Variants in AKAIN1 observed in about 807,000 individuals in gnomAD.
AKAIN1 encodes A-kinase anchor inhibitor 1.
AKAIN1 carries 3 observed loss-of-function variants against 3.7 expected under a neutral mutation model. The ratio of observed to expected loss-of-function variants is 0.82; its 90% CI spans 0.37 to 2.12. AKAIN1 has a LOEUF of 2.12. AKAIN1 is among the 30% of genes most tolerant of loss of function. The pLI, the probability that AKAIN1 is intolerant of heterozygous loss-of-function variation, is 0.06. For synonymous variants in AKAIN1, 31 were observed against 30.8 expected, an observed-to-expected ratio of 1.01 and a Z score of -0.02; for missense variants, 82 against 82.7, an observed-to-expected ratio of 0.99 and a Z score of 0.03.
chr18:5,176,986 T>C (rs2071230224), intron 1 of AKAIN1, among the ~76,000 whole-genome samples: 1 of 151,920 alleles, frequency 6.6e-6, no homozygotes, highest in African/African-American at 2.4e-5. Context: ...TCAGGATATG[T>C]TGGTCTCGGG....
intron 1 of AKAIN1, among the ~76,000 whole-genome samples, chr18:5,182,258 C>A (rs949371877): frequency 1.3e-5 from 2 of 152,092 alleles, no homozygotes; most frequent in African/African-American, 4.8e-5. Context: ...AAAGAATCAA[C>A]TCTTTAGCTC....
At chr18:5,160,775 T>G (rs1043693447) in intron 1 of AKAIN1, among the ~76,000 whole-genome samples, 1 of 152,236 alleles carries the variant, frequency 6.6e-6, no homozygotes. Flanking sequence ...TTCGTATGAA[T>G]AGTGAATTGC....
rs543018610 is a variant in AKAIN1 at position 5,174,973 on chromosome 18, G to A, written c.16+22065C>T. Among the ~76,000 whole-genome samples the A allele has an allele frequency of 1.8e-3, 269 of 152,296 alleles. 2 individuals carry two copies. The highest frequency in any genetic ancestry group is 2.8e-3 in the Non-Finnish European group (188 of 68,014). Reference sequence around the variant, plus strand: ...CAGCATTCCTAGCCTCCCTTGACCAGATACCAGTAGCCAGGGCCAGCTTCA... The same window carrying A: ...CAGCATTCCTAGCCTCCCTTGACCAAATACCAGTAGCCAGGGCCAGCTTCA... On this transcript the variant is annotated intron_variant, in intron 1 of 1. Coordinates refer to ENST00000434239, the MANE Select transcript of AKAIN1 (RefSeq NM_001145194.2).
intron 1 of AKAIN1, among the ~76,000 whole-genome samples, chr18:5,160,226 A>G (rs575045290): frequency 6.6e-6 from 1 of 152,308 alleles, no homozygotes; most frequent in African/African-American, 2.4e-5. Flanking sequence ...GAACCCTGTC[A>G]TTGTTCAAAA....
At chr18:5,175,231 C>T (rs1225070157) in intron 1 of AKAIN1, among the ~76,000 whole-genome samples, 1 of 152,056 alleles carries the variant, frequency 6.6e-6, no homozygotes, top group Non-Finnish European at 1.5e-5. Flanking sequence ...TTAGCAATGC[C>T]CCACAAGCAC....
chr18:5,196,856 G>A (rs1386968627), intron 1 of AKAIN1, among the ~76,000 whole-genome samples, 182 bp downstream of exon 1: 1 of 152,224 alleles, frequency 6.6e-6, no homozygotes, highest in East Asian at 1.9e-4. Flanking sequence ...GACAGATGGG[G>A]CGGGACTGGG....
In AKAIN1 at chr18:5,143,504, A is replaced by C. The variant is rs1274778175; in HGVS notation, c.*2058T>G. 1.3e-5 allele frequency among the ~76,000 whole-genome samples: 2 copies of C among 152,176 alleles called. No homozygotes were observed. The highest frequency in any genetic ancestry group is 4.8e-5 in the African/African-American group (2 of 41,448). On this transcript the variant is annotated 3_prime_UTR_variant, in exon 2 of 2. Coordinates refer to ENST00000434239, the MANE Select transcript of AKAIN1 (RefSeq NM_001145194.2). ...CTTTTCTCTTCAAGCCTCAGGACCC[A>C]CCATCCCATGGCTGTCCTCACACAG...
chr18:5,154,405 C>T (rs1474713252), intron 1 of AKAIN1, among the ~76,000 whole-genome samples: 1 of 152,154 alleles, frequency 6.6e-6, no homozygotes, highest in Non-Finnish European at 1.5e-5. Context: ...GTTCTGACCA[C>T]CACATACATT....
At chr18:5,168,392 T>C (rs941181233) in intron 1 of AKAIN1, among the ~76,000 whole-genome samples, 1 of 152,094 alleles carries the variant, frequency 6.6e-6, no homozygotes, top group Non-Finnish European at 1.5e-5. Flanking sequence ...GTAAAGAAGT[T>C]GGATGTTATT....
At chr18:5,184,126 T>G (rs1325654989) in intron 1 of AKAIN1, among the ~76,000 whole-genome samples, 2 of 152,096 alleles carry the variant, frequency 1.3e-5, no homozygotes, top group Admixed American at 1.3e-4. Context: ...CAACCTTAGC[T>G]AGGAATGTGT....
At chr18:5,181,245 T>C (rs2071256494) in intron 1 of AKAIN1, among the ~76,000 whole-genome samples, 1 of 152,114 alleles carries the variant, frequency 6.6e-6, no homozygotes, top group African/African-American at 2.4e-5. Context: ...TGAGCTGTGA[T>C]TGCACCACTG....
At position 5,182,610 on chromosome 18, in the gene AKAIN1, G is replaced by A. The variant is rs187602711; in HGVS notation, c.16+14428C>T. On this transcript the variant is annotated intron_variant, in intron 1 of 1. Transcript: ENST00000434239. ...ATATTTGAATTGCTATGGAATAACTGAAATACTCTTATCAGTTTTATAGAG... is the reference window on the plus strand; with the variant it reads ...ATATTTGAATTGCTATGGAATAACTAAAATACTCTTATCAGTTTTATAGAG... Among the ~76,000 whole-genome samples the A allele has an allele frequency of 1.2e-4, 19 of 152,208 alleles. No individual in the cohort carries two copies. The East Asian group carries it at 3.5e-3, about 28-fold the overall frequency.
chr18:5,183,212 T>C (rs531042717), intron 1 of AKAIN1, among the ~76,000 whole-genome samples: 3 of 151,848 alleles, frequency 2.0e-5, no homozygotes, highest in Non-Finnish European at 2.9e-5. Flanking sequence ...CTGAATGACA[T>C]GAAAAAATTA....
At chr18:5,193,688 GGTC>G (rs1216427312) in intron 1 of AKAIN1, among the ~76,000 whole-genome samples, 1 of 152,068 alleles carries the variant, frequency 6.6e-6, no homozygotes, top group East Asian at 1.9e-4. Flanking sequence ...AATGGTCAGT[GGTC>G]TTTCTTCCTT....
Position 5,144,061 on chromosome 18 carries a change from A to C in AKAIN1, c.*1501T>G, listed in dbSNP as rs2071035441. 6.6e-6 allele frequency among the ~76,000 whole-genome samples: 1 copy of C among 152,226 alleles called. No individual in the cohort carries two copies. The highest frequency in any genetic ancestry group is 1.5e-5 in the Non-Finnish European group (1 of 68,048). ...AATTCTGCTAAAAGAAATACTTGTGAGTAAACAATCTTTAAATTTTAAGCC... is the reference window on the plus strand; with the variant it reads ...AATTCTGCTAAAAGAAATACTTGTGCGTAAACAATCTTTAAATTTTAAGCC... On this transcript the variant is annotated 3_prime_UTR_variant, in exon 2 of 2. Coordinates refer to ENST00000434239, the MANE Select transcript of AKAIN1 (RefSeq NM_001145194.2).
intron 1 of AKAIN1, among the ~76,000 whole-genome samples, chr18:5,160,284 G>C (rs73943128): frequency 1.3e-5 from 2 of 152,070 alleles, no homozygotes; most frequent in Admixed American, 6.6e-5. Context: ...GTTTCAACCT[G>C]GTAAGCATGC....
Position 5,197,203 on chromosome 18 carries a change from C to A in AKAIN1, c.-150G>T. The stretch of plus-strand genomic sequence containing the variant: ...GGTCAGCACCCCGGACAGCTCCCGC[C>A]GCTAGATCCTGGGGCCGCAGCTCCA... On this transcript the variant is annotated 5_prime_UTR_variant, in exon 1 of 2. Transcript: ENST00000434239. The surrounding 1 kb of genome is among the most constrained non-coding windows in gnomAD (Gnocchi z 6.9). The A allele has an allele frequency of 1.4e-6, 2 of 1,422,816 alleles. No individual in the cohort carries two copies. Among genetic ancestry groups the A allele is most frequent in the South Asian group, 1.5e-5 (1 of 67,130 alleles). 88.1% of individuals were successfully genotyped at this position (1,422,816 alleles called of 1,614,324 possible).
intron 1 of AKAIN1, among the ~76,000 whole-genome samples, chr18:5,159,597 A>T (rs996197573): frequency 6.6e-6 from 1 of 152,218 alleles, no homozygotes; most frequent in African/African-American, 2.4e-5. Context: ...TTTAAGATAC[A>T]AGAACTTACA....
intron 1 of AKAIN1, among the ~76,000 whole-genome samples, chr18:5,168,849 T>C (rs1053049098): frequency 1.4e-5 from 2 of 144,964 alleles, no homozygotes; most frequent in African/African-American, 2.6e-5. Flanking sequence ...TGTTTCCTCA[T>C]ATGAGGCAAT....
Sources: gnomAD v4.1 joint callset for allele counts (sites outside exome capture counted in the v4.1 genomes callset) on GRCh38, gnomAD v4.1.1 for gene constraint, Gnocchi (gnomAD v3.1) non-coding constraint, MANE v1.5 for transcripts, NCBI Gene and HGNC (gene_info 2026-07-23, HGNC 2026-07-21) for gene names.